Variants in FGF13 observed in about 807,000 individuals in gnomAD.
FGF13 encodes the protein fibroblast growth factor 13.
A neutral mutation model predicts 19.5 loss-of-function variants in FGF13; 2 were observed. The observed-to-expected ratio is 0.10, with a 90% confidence interval of 0.04 to 0.32. FGF13 has a LOEUF of 0.32. FGF13 is among the 10% of genes least tolerant of loss of function. FGF13 has a pLI of 1.00. For missense variants in FGF13, 113 were observed against 192.7 expected (o/e 0.59, Z 2.45); for synonymous variants, 72 against 76.9 (o/e 0.94, Z 0.33).
intron 3 of FGF13, among the ~76,000 whole-genome samples, chrX:138,746,576 C>T (rs765786630): frequency 5.4e-5 from 6 of 111,750 alleles, no homozygotes; most frequent in Admixed American, 9.4e-5. Context: ...TAGATTCACC[C>T]GGAAGCAACA....
At chrX:138,865,607 G>A (rs930550438) in intron 1 of FGF13, among the ~76,000 whole-genome samples, 5 of 109,275 alleles carry the variant, frequency 4.6e-5, no homozygotes, top group South Asian at 4.1e-4. Flanking sequence ...GTGCAGTGGC[G>A]CTGTTCACTG....
chrX:138,831,277 G>C (rs1420830240), intron 3 of FGF13, among the ~76,000 whole-genome samples: 1 of 111,559 alleles, frequency 9.0e-6, no homozygotes, highest in African/African-American at 3.3e-5. Context: ...GAGACTACTA[G>C]GGCAATGACT....
chrX:138,835,695 C>T (rs773155368), intron 3 of FGF13, among the ~76,000 whole-genome samples: 32 of 111,935 alleles, frequency 2.9e-4, no homozygotes, highest in African/African-American at 1.0e-3. Context: ...AACCTGTCAT[C>T]ATTATGTTTG....
chrX:139,033,210 T>C (rs991266291), intron 1 of FGF13, among the ~76,000 whole-genome samples: 1 of 110,879 alleles, frequency 9.0e-6, no homozygotes, highest in Non-Finnish European at 1.9e-5. Flanking sequence ...ATCAATTTTC[T>C]TTGGAAAGGT....
chrX:138,921,691 A>G (rs2091646049), intron 1 of FGF13, among the ~76,000 whole-genome samples: 1 of 111,263 alleles, frequency 9.0e-6, no homozygotes, highest in Admixed American at 9.6e-5. Context: ...GGGCAGCTTG[A>G]TTGCTATCCT....
At chrX:139,169,869 C>A (rs1029834382) in intron 1 of FGF13, among the ~76,000 whole-genome samples, 2 of 111,662 alleles carry the variant, frequency 1.8e-5, no homozygotes, top group Non-Finnish European at 1.9e-5. Flanking sequence ...CCTCTCCCAG[C>A]AGCATGGAGG....
intron 1 of FGF13, among the ~76,000 whole-genome samples, chrX:139,084,656 C>G (rs772128788): frequency 5.0e-4 from 56 of 112,030 alleles, no homozygotes; most frequent in African/African-American, 1.8e-3. Flanking sequence ...ACCTTAGCTG[C>G]CTTCCCATAG....
chrX:139,183,403 T>A (rs2084255217), intron 1 of FGF13, among the ~76,000 whole-genome samples: 1 of 111,641 alleles, frequency 9.0e-6, no homozygotes, highest in Admixed American at 9.5e-5. Context: ...AATCTCACGT[T>A]GAAACGCGAC....
chrX:138,967,382 G>A (rs186001517), intron 1 of FGF13, among the ~76,000 whole-genome samples: 159 of 111,108 alleles, frequency 1.4e-3, no homozygotes, highest in African/African-American at 5.1e-3. Flanking sequence ...TGCACACTAA[G>A]CTCAATGCAC....
At chrX:138,959,144 C>T (rs1234387611) in intron 1 of FGF13, among the ~76,000 whole-genome samples, 1 of 111,742 alleles carries the variant, frequency 8.9e-6, no homozygotes, top group African/African-American at 3.3e-5. Flanking sequence ...TTCCTGCTTT[C>T]TCTTGTGGGC....
chrX:138,956,785 C>T (rs994384201), intron 1 of FGF13, among the ~76,000 whole-genome samples: 9 of 111,327 alleles, frequency 8.1e-5, no homozygotes, highest in African/African-American at 2.6e-4. Context: ...CCAGTGAATT[C>T]GATGATCTGT....
At chrX:139,053,469 C>A (rs1460418858) in intron 1 of FGF13, among the ~76,000 whole-genome samples, 2 of 107,228 alleles carry the variant, frequency 1.9e-5, no homozygotes, top group Non-Finnish European at 3.8e-5. Flanking sequence ...GGAGGTATTG[C>A]ATCGTGGTTT....
At chrX:139,049,035 T>G (rs926066483) in intron 1 of FGF13, among the ~76,000 whole-genome samples, 4 of 111,710 alleles carry the variant, frequency 3.6e-5, no homozygotes, top group Non-Finnish European at 7.5e-5. Flanking sequence ...ATGTTTACTA[T>G]TGGTTTATGG....
intron 1 of FGF13, among the ~76,000 whole-genome samples, chrX:139,086,758 A>T (rs943171768): frequency 1.8e-5 from 2 of 112,598 alleles, no homozygotes; most frequent in Non-Finnish European, 3.7e-5. Context: ...TTTAATAAAA[A>T]AATAAAAATT....
At position 138,761,951 on chromosome X, in the gene FGF13, T is replaced by C. The variant is rs2090470557; in HGVS notation, c.218-53023A>G. On this transcript the variant is annotated intron_variant, in intron 3 of 6. Transcript: ENST00000436198. The stretch of plus-strand genomic sequence containing the variant: ...TCTTTCTCTTCTTGCCTTTTTTCTC[T>C]AGGTAAGTGCTATGCAATAGCACTT... Among the ~76,000 whole-genome samples, 3 of 109,900 alleles carry C rather than the reference T, an allele frequency of 2.7e-5. No individual in the cohort carries two copies. In the Admixed American group the frequency reaches 3.0e-4, roughly 11 times the overall value.
chrX:138,834,850 C>T (rs1258570580), intron 3 of FGF13, among the ~76,000 whole-genome samples: 2 of 111,498 alleles, frequency 1.8e-5, no homozygotes, highest in Non-Finnish European at 3.8e-5. Context: ...GATTCTGGTA[C>T]ATTGTATCTT....
At chrX:138,713,964 CCTT>C (rs2090078348), upstream of FGF13, among the ~76,000 whole-genome samples, 1 of 111,444 alleles carries the variant, frequency 9.0e-6, no homozygotes, top group Non-Finnish European at 1.9e-5. Context: ...TTGTAGATGT[CCTT>C]CTTGCTCTAA....
intron 3 of FGF13, among the ~76,000 whole-genome samples, chrX:138,693,728 C>T (rs1421275885): frequency 2.7e-5 from 3 of 111,614 alleles, no homozygotes; most frequent in African/African-American, 9.7e-5. Flanking sequence ...TATCAATAAG[C>T]AAAAGTTTTA....
intron 1 of FGF13, among the ~76,000 whole-genome samples, chrX:138,984,522 AGG>A (rs1491257490): frequency 7.2e-5 from 1 of 13,917 alleles, no homozygotes; most frequent in African/African-American, 1.8e-4. Context: ...GAAGAAGAAG[AGG>A]AAGAAGAAGA....
Sources: gnomAD v4.1 joint callset for allele counts (sites outside exome capture counted in the v4.1 genomes callset) on GRCh38, gnomAD v4.1.1 for gene constraint, MANE v1.5 for transcripts, NCBI Gene and HGNC (gene_info 2026-07-23, HGNC 2026-07-21) for gene names.